ATP11C: variants seen among roughly 807,000 people sequenced by gnomAD.
ATP11C encodes ATPase phospholipid transporting 11C (ATP11C blood group).
ATP11C carries 36 observed loss-of-function variants against 97.4 expected under a neutral mutation model. The ratio of observed to expected loss-of-function variants is 0.37; its 90% confidence interval spans 0.28 to 0.49. The LOEUF is 0.49. ATP11C is among the 20% of genes least tolerant of loss of function. ATP11C has a pLI of 0.98. For missense variants in ATP11C, 730 were observed against 824.6 expected, an observed-to-expected ratio of 0.89 and a Z score of 1.40; for synonymous variants, 275 against 290.9, an observed-to-expected ratio of 0.95 and a Z score of 0.56.
intron 1 of ATP11C, among the ~76,000 whole-genome samples, chrX:139,928,344 T>C (rs934607498): frequency 4.5e-5 from 5 of 111,389 alleles, no homozygotes; most frequent in African/African-American, 1.3e-4. Flanking sequence ...CAGATATATT[T>C]CTAAACACAG....
chrX:139,750,212 G>A (rs2081784046), intron 23 of ATP11C, 60 bp from the exon 24 acceptor site: 1 of 1,070,134 alleles, frequency 9.3e-7, no homozygotes, highest in African/African-American at 1.8e-5. Flanking sequence ...TCTACAAGAT[G>A]ATACTTATGT....
chrX:139,842,940 T>C (rs1417243345), intron 1 of ATP11C, among the ~76,000 whole-genome samples: 2 of 112,206 alleles, frequency 1.8e-5, no homozygotes, highest in Admixed American at 9.5e-5. Flanking sequence ...CCAGCAAGAA[T>C]GCTCTGCTGT....
rs138376332 is a variant in ATP11C, at chrX:139,742,045, T to C, written c.3031-951A>G. On this transcript the variant is annotated intron_variant, in intron 26 of 29. Coordinates refer to ENST00000682941, the MANE Select transcript of ATP11C (RefSeq NM_001353812.2). ...AATACTAATATGAATCCAAAGATAA[T>C]ACTAATATTAATCCAAAGAGGAGGG... 5.7e-3 allele frequency among the ~76,000 whole-genome samples: 635 copies of C among 111,404 alleles called. 10 individuals carry two copies. Among genetic ancestry groups the C allele is most frequent in the African/African-American group, 0.019 (583 of 30,657 alleles).
chrX:139,782,112 G>T (rs1339790387), intron 18 of ATP11C, among the ~76,000 whole-genome samples: 6 of 110,590 alleles, frequency 5.4e-5, no homozygotes, highest in African/African-American at 2.0e-4. Context: ...AGATCACGAG[G>T]TCAGGAGATC....
At chrX:139,750,422 A>G (rs2081789077) in intron 23 of ATP11C, among the ~76,000 whole-genome samples, 1 of 111,905 alleles carries the variant, frequency 8.9e-6, no homozygotes, top group South Asian at 3.8e-4. Context: ...TCTAATAGAC[A>G]TGAACAACTT....
At chrX:139,858,350 A>G (rs754747520) in intron 1 of ATP11C, among the ~76,000 whole-genome samples, 19 of 111,697 alleles carry the variant, frequency 1.7e-4, no homozygotes, top group Admixed American at 1.4e-3. Flanking sequence ...TATGGACATG[A>G]CTTCTCAGTT....
At chrX:139,737,094 T>C (rs1272089530) in intron 28 of ATP11C, among the ~76,000 whole-genome samples, 1 of 110,960 alleles carries the variant, frequency 9.0e-6, no homozygotes, top group Non-Finnish European at 1.9e-5. Flanking sequence ...CTACAAGATC[T>C]AGTTGGTGTC....
rs193094833 is a variant in ATP11C at position 139,902,257 on chromosome X, T to C, written c.27+29759A>G. 9.9e-5 allele frequency among the ~76,000 whole-genome samples: 11 copies of C among 111,282 alleles called. No individual in the cohort carries two copies. In the East Asian group the frequency reaches 3.1e-3, roughly 32 times the overall value. ...TACATATTGATTGATGTCTCAGGTC[T>C]CCCTAAAATGTGTAAAACCAAGCTG... On this transcript the variant is annotated intron_variant, in intron 1 of 29. Transcript: ENST00000682941.
At chrX:139,831,629 G>A (rs1432044675) in intron 1 of ATP11C, among the ~76,000 whole-genome samples, 2 of 111,656 alleles carry the variant, frequency 1.8e-5, no homozygotes. Flanking sequence ...TGGCTCTAAA[G>A]ACTGAAATGC....
intron 28 of ATP11C, among the ~76,000 whole-genome samples, chrX:139,734,176 T>C (rs1282788852): frequency 9.0e-6 from 1 of 111,689 alleles, no homozygotes; most frequent in Non-Finnish European, 1.9e-5. Flanking sequence ...GAACCCATGG[T>C]TGTATATGAC....
intron 3 of ATP11C, 50 bp from the exon 4 acceptor site, chrX:139,816,993 T>A: frequency 1.2e-6 from 1 of 833,585 alleles, no homozygotes; most frequent in Non-Finnish European, 1.7e-6. Flanking sequence ...TGTCATTAAC[T>A]CATATGCAGC....
chrX:139,855,637 C>T (rs1191982472), intron 1 of ATP11C, among the ~76,000 whole-genome samples: 3 of 112,191 alleles, frequency 2.7e-5, no homozygotes, highest in Non-Finnish European at 5.6e-5. Flanking sequence ...CTTCTTTCCT[C>T]GCTCTATTCC....
chrX:139,772,826 T>C (rs766778052), intron 19 of ATP11C, among the ~76,000 whole-genome samples: 5 of 111,943 alleles, frequency 4.5e-5, no homozygotes, highest in South Asian at 3.8e-4. Context: ...TACAGGCTCA[T>C]AGGCAGAAGA....
chrX:139,799,920 G>T, intron 8 of ATP11C, 140 bp downstream of exon 8: 3 of 514,807 alleles, frequency 5.8e-6, no homozygotes, highest in Non-Finnish European at 9.8e-6. Context: ...CCAAAGTGCT[G>T]GGATTACAGG....
intron 1 of ATP11C, among the ~76,000 whole-genome samples, chrX:139,913,095 A>C (rs892485615): frequency 6.3e-5 from 7 of 111,890 alleles, no homozygotes; most frequent in African/African-American, 2.3e-4. Context: ...GTCTTCTAGC[A>C]GCTGTCACTC....
intron 20 of ATP11C, among the ~76,000 whole-genome samples, chrX:139,764,284 C>T (rs1029456514): frequency 9.8e-5 from 11 of 112,658 alleles, no homozygotes; most frequent in African/African-American, 3.2e-4. Flanking sequence ...AAGAGGTACA[C>T]TAAAGGGGTT....
intron 28 of ATP11C, chrX:139,732,515 C>T (rs1024672815): frequency 5.6e-6 from 2 of 356,602 alleles, no homozygotes; most frequent in Non-Finnish European, 1.1e-5. Context: ...GGAAGGGAGG[C>T]GTTTCGTTAC....
rs201565222 is a variant in ATP11C at position 139,906,444 on chromosome X, GA to G, written c.27+25571del. 2.8e-3 allele frequency among the ~76,000 whole-genome samples: 282 copies of G among 100,324 alleles called. 2 individuals are homozygous for G. The highest frequency in any genetic ancestry group is 8.6e-3 in the African/African-American group (233 of 27,245). 87.1% of individuals were successfully genotyped at this position (100,324 alleles called of 115,157 possible). A position where few individuals can be genotyped will look rare whatever the true frequency, so the allele number is the denominator to read the frequency against. On this transcript the variant is annotated intron_variant, in intron 1 of 29. Coordinates refer to ENST00000682941, the MANE Select transcript of ATP11C (RefSeq NM_001353812.2). Reference sequence around the variant, plus strand: ...AAAAAAACGAAAAAAAAAAAGTCAAGAAAAAATCAGATACCTCAGTCCAGGT... The same window carrying G: ...AAAAAAACGAAAAAAAAAAAGTCAAGAAAAATCAGATACCTCAGTCCAGGT...
chrX:139,899,959 C>A (rs1244206988), intron 1 of ATP11C, among the ~76,000 whole-genome samples: 1 of 111,526 alleles, frequency 9.0e-6, no homozygotes, highest in Non-Finnish European at 1.9e-5. Flanking sequence ...TAAGAGCCAG[C>A]GGCAAAATCG....
Sources: gnomAD v4.1 joint callset for allele counts (sites outside exome capture counted in the v4.1 genomes callset) on GRCh38, gnomAD v4.1.1 for gene constraint, MANE v1.5 for transcripts, NCBI Gene and HGNC (gene_info 2026-07-23, HGNC 2026-07-21) for gene names.